NEK6: variants seen among roughly 807,000 people sequenced by gnomAD.
NEK6 encodes the protein NIMA related kinase 6.
In NEK6, 27 loss-of-function variants were observed where a neutral mutation model predicts 43.5. The ratio of observed to expected loss-of-function variants is 0.62; its 90% CI spans 0.46 to 0.86. NEK6 has a LOEUF of 0.86. Ranked by LOEUF, NEK6 falls within the 40% of genes least tolerant of loss-of-function variation. The pLI is 0.00. For synonymous variants in NEK6, 167 were observed against 164.1 expected (o/e 1.02, Z -0.14); for missense variants, 318 against 414.4 (o/e 0.77, Z 2.02).
At chr9:124,300,910 G>A (rs770409116) in intron 1 of NEK6, among the ~76,000 whole-genome samples, 1 of 152,330 alleles carries the variant, frequency 6.6e-6, no homozygotes, top group African/African-American at 2.4e-5. Flanking sequence ...CACATGAGAG[G>A]TGCCCCTCGG....
At chr9:124,347,057 C>CTTCCCTCCCACCCTGAAGG (rs1381086716) in intron 8 of NEK6, among the ~76,000 whole-genome samples, 1 of 152,202 alleles carries the variant, frequency 6.6e-6, no homozygotes, top group Admixed American at 6.5e-5. Context: ...GAGCCAGGCG[C>CTTCCCTCCCACCCTGAAGG]TTCCCTCCCA....
In NEK6 at chr9:124,343,826, A is replaced by G. The variant is rs2131072015; in HGVS notation, c.718-3883A>G. On this transcript the variant is annotated intron_variant, in intron 8 of 9. Coordinates refer to ENST00000320246, the MANE Select transcript of NEK6 (RefSeq NM_014397.6). The surrounding 1 kb of genome is among the most constrained non-coding windows in gnomAD (Gnocchi z 5.1). Reference sequence around the variant, plus strand: ...AGCCGGAGAAAACCTGCCCTTCCCCAAGCCCCAGCACAGCCCGGAAGGCTC... The same window carrying G: ...AGCCGGAGAAAACCTGCCCTTCCCCGAGCCCCAGCACAGCCCGGAAGGCTC... Among the ~76,000 whole-genome samples, 1 of 152,218 alleles carries G rather than the reference A, an allele frequency of 6.6e-6. No individual in the cohort carries two copies. The highest frequency in any genetic ancestry group is 2.1e-4 in the South Asian group (1 of 4,810).
intron 4 of NEK6, among the ~76,000 whole-genome samples, chr9:124,315,175 C>T (rs898966984): frequency 6.6e-6 from 1 of 152,240 alleles, no homozygotes; most frequent in African/African-American, 2.4e-5. Context: ...CAGGGTGATG[C>T]AGATTGACTG....
At chr9:124,334,826 G>T (rs987836980) in intron 7 of NEK6, among the ~76,000 whole-genome samples, 16 of 152,184 alleles carry the variant, frequency 1.1e-4, no homozygotes, top group Non-Finnish European at 1.3e-4. Context: ...CTTTCCGATG[G>T]TCCTGGCCAA....
At chr9:124,305,189 T>G (rs1833189166) in intron 2 of NEK6, among the ~76,000 whole-genome samples, 1 of 152,240 alleles carries the variant, frequency 6.6e-6, no homozygotes, top group South Asian at 2.1e-4. Flanking sequence ...GCCAAAATCT[T>G]TATCAGAATC....
intron 2 of NEK6, among the ~76,000 whole-genome samples, 154 bp from the exon 3 acceptor site, chr9:124,312,355 G>GT (rs1833575889): frequency 6.6e-6 from 1 of 152,044 alleles, no homozygotes; most frequent in African/African-American, 2.4e-5. Context: ...AAAGCCCCCT[G>GT]GGGGGGTGCC....
Position 124,343,919 on chromosome 9 carries a change from A to C in NEK6, c.718-3790A>C, listed in dbSNP as rs1322505325. The stretch of plus-strand genomic sequence containing the variant: ...CACCACGCCGATGGCTTCAAGCAAC[A>C]TAAGTTTACTCTCTTAGATCTCGAG... On this transcript the variant is annotated intron_variant, in intron 8 of 9. Coordinates refer to ENST00000320246, the MANE Select transcript of NEK6 (RefSeq NM_014397.6). This position sits in a 1 kb window ranked among gnomAD's most constrained non-coding sequence, Gnocchi z 5.1. Among the ~76,000 whole-genome samples the C allele has an allele frequency of 6.6e-6, 1 of 152,174 alleles. No homozygotes were observed. Among genetic ancestry groups the C allele is most frequent in the Non-Finnish European group, 1.5e-5 (1 of 68,016 alleles).
At chr9:124,267,151 T>A (rs1831263684) in intron 1 of NEK6, among the ~76,000 whole-genome samples, 1 of 152,260 alleles carries the variant, frequency 6.6e-6, no homozygotes, top group South Asian at 2.1e-4. Context: ...AGCACAGACA[T>A]GACTTTTTGG....
At position 124,292,563 on chromosome 9, in the gene NEK6, G is replaced by A. The variant is rs973182289; in HGVS notation, c.-29-9373G>A. 3.9e-6 allele frequency: 6 copies of A among 1,536,646 alleles called. No individual in the cohort carries two copies. In the African/African-American group the frequency reaches 5.5e-5, roughly 14 times the overall value. On this transcript the variant is annotated intron_variant, in intron 1 of 9. Coordinates refer to ENST00000320246, the MANE Select transcript of NEK6 (RefSeq NM_014397.6). ...GGGTGAGTTTTTTACAAACACCGAA[G>A]CCCTCCAGCCCCCGGGGCTGTTCCA...
In NEK6 at chr9:124,326,202, T is replaced by TCACCCCCCCCCCC; in HGVS notation, c.406-127_406-126insACCCCCCCCCCCC. Reference sequence around the variant, plus strand: ...GCTTATTGTTTGCTCAGTGGCTCAATCCCCCCCCCCCGCCCCTGCCAGGCA... The same window carrying TCACCCCCCCCCCC: ...GCTTATTGTTTGCTCAGTGGCTCAATCACCCCCCCCCCCCCCCCCCCCCCGCCCCTGCCAGGCA... On this transcript the variant is annotated intron_variant, in intron 5 of 9. Transcript: ENST00000320246. The surrounding 1 kb of genome is among the most constrained non-coding windows in gnomAD (Gnocchi z 4.5). The TCACCCCCCCCCCC allele has an allele frequency of 8.1e-6, 1 of 124,052 alleles. No homozygotes were observed. Among genetic ancestry groups the TCACCCCCCCCCCC allele is most frequent in the South Asian group, 6.5e-5 (1 of 15,360 alleles). 7.7% of individuals were successfully genotyped at this position (124,052 alleles called of 1,614,324 possible). A position where few individuals can be genotyped will look rare whatever the true frequency, so the allele number is the denominator to read the frequency against.
Position 124,350,843 on chromosome 9 carries a change from G to T in NEK6, c.838G>T (p.Glu280Ter), listed in dbSNP as rs1469571292. 6.2e-6 allele frequency: 10 copies of T among 1,611,918 alleles called. No homozygotes were observed. The highest frequency in any genetic ancestry group is 1.1e-5 in the South Asian group (1 of 91,012). Residue 280 changes from glutamate (E) to a stop codon, truncating the protein, a stop_gained, in exon 10 of 10, where the codon GAA (glutamate) becomes TAA (stop). Transcript: ENST00000320246. LOFTEE classifies it high-confidence loss of function. The part of the protein sequence containing the change: ...PGEHYSEKLR[E>*]LVSMCICPDP... ...ACCATTCTCTCCCCTGCAGTTACGA[G>T]AACTGGTCAGCATGTGCATCTGCCC...
intron 1 of NEK6, among the ~76,000 whole-genome samples, chr9:124,270,315 G>A (rs1186007132): frequency 1.3e-5 from 2 of 152,198 alleles, no homozygotes; most frequent in Non-Finnish European, 2.9e-5. Flanking sequence ...TGCAGGGCGG[G>A]GGCTGAGTGT....
At chr9:124,287,972 A>T (rs1048187267) in intron 1 of NEK6, among the ~76,000 whole-genome samples, 1 of 152,110 alleles carries the variant, frequency 6.6e-6, no homozygotes, top group Non-Finnish European at 1.5e-5. Context: ...ACAGTGGGGG[A>T]GGGGGCCAGC....
chr9:124,297,355 G>A (rs182317084), intron 1 of NEK6, among the ~76,000 whole-genome samples: 29 of 152,304 alleles, frequency 1.9e-4, no homozygotes, highest in Non-Finnish European at 3.5e-4. Context: ...AGTTTACAGT[G>A]ACCCTAAGAG....
At chr9:124,320,940 T>A (rs181826972) in intron 4 of NEK6, among the ~76,000 whole-genome samples, 4,031 of 152,124 alleles carry the variant, frequency 0.026, 175 homozygotes, top group African/African-American at 0.091. Context: ...AAAAAATATT[T>A]TAAAAAAAAT....
intron 1 of NEK6, among the ~76,000 whole-genome samples, chr9:124,291,252 TG>T (rs1315638387): frequency 6.6e-6 from 1 of 152,192 alleles, no homozygotes; most frequent in African/African-American, 2.4e-5. Context: ...GACTGCCGCC[TG>T]CCAGGGCTCT....
chr9:124,272,878 C>G (rs117372993), intron 1 of NEK6, among the ~76,000 whole-genome samples: 5 of 152,188 alleles, frequency 3.3e-5, no homozygotes, highest in Admixed American at 6.5e-5. Context: ...AACCCACGCC[C>G]GTGGCTTCCA....
At chr9:124,287,129 G>C (rs1588461201) in intron 1 of NEK6, among the ~76,000 whole-genome samples, 1 of 152,280 alleles carries the variant, frequency 6.6e-6, no homozygotes, top group East Asian at 1.9e-4. Flanking sequence ...GAGCGTACAG[G>C]GTGCAGCCCT....
chr9:124,277,721 T>C (rs1217823087), intron 1 of NEK6, among the ~76,000 whole-genome samples: 1 of 152,186 alleles, frequency 6.6e-6, no homozygotes, highest in Non-Finnish European at 1.5e-5. Context: ...GTCAGAGAAG[T>C]TGTTTTGCTT....
Sources: gnomAD v4.1 joint callset for allele counts (sites outside exome capture counted in the v4.1 genomes callset) on GRCh38, gnomAD v4.1.1 for gene constraint, Gnocchi (gnomAD v3.1) non-coding constraint, MANE v1.5 for transcripts, NCBI Gene and HGNC (gene_info 2026-07-23, HGNC 2026-07-21) for gene names.